Variants in H2AC8 observed in about 807,000 individuals in gnomAD.
H2AC8 encodes histone H2A type 1-B/E.
H2AC8 carries 9 observed loss-of-function variants against 6.3 expected under a neutral mutation model. The ratio of observed to expected loss-of-function variants is 1.43; its 90% confidence interval spans 0.86 to 2.49. H2AC8 has a LOEUF of 2.49. Ranked by LOEUF, H2AC8 falls within the 30% of genes most tolerant of loss-of-function variation. H2AC8 has a pLI of 0.00. For synonymous variants in H2AC8, 176 were observed against 79.6 expected, an observed-to-expected ratio of 2.21 and a Z score of -6.45; for missense variants, 141 against 177.5, an observed-to-expected ratio of 0.79 and a Z score of 1.17.
exon 1 of H2AC8, chr6:26,217,012 C>A: frequency 6.2e-7 from 1 of 1,614,190 alleles, no homozygotes; most frequent in Non-Finnish European, 8.5e-7. Flanking sequence ...AAAGCTCGGG[C>A]AAAAGCTAAA....
exon 1 of H2AC8, chr6:26,217,304 C>T (rs16891432): frequency 6.2e-6 from 10 of 1,614,086 alleles, no homozygotes; most frequent in Non-Finnish European, 8.5e-6. Context: ...GTGTCCTGCC[C>T]AACATCCAGG....
exon 1 of H2AC8, chr6:26,217,139 G>T (rs765077180): frequency 6.2e-7 from 1 of 1,614,202 alleles, no homozygotes; most frequent in Admixed American, 1.7e-5. Context: ...TGGCAGCGGT[G>T]CTGGAATATC....
chr6:26,217,028 T>G, exon 1 of H2AC8: 2 of 1,614,202 alleles, frequency 1.2e-6, no homozygotes, highest in Non-Finnish European at 1.7e-6. Flanking sequence ...CTAAAACGCG[T>G]TCTTCCAGGG....
exon 1 of H2AC8, chr6:26,217,354 C>T (rs753001531): frequency 5.0e-6 from 8 of 1,613,216 alleles, no homozygotes; most frequent in Non-Finnish European, 5.1e-6. Context: ...CACCATAAGG[C>T]CAAGGGCAAG....
chr6:26,216,960 T>C (rs763508997), upstream of H2AC8: 6 of 1,613,854 alleles, frequency 3.7e-6, no homozygotes, highest in Non-Finnish European at 5.1e-6. Context: ...GTTCTTCTGC[T>C]GTTAGGAAGC....
upstream of H2AC8, chr6:26,216,945 TGTTA>T (rs781725178): frequency 1.4e-5 from 23 of 1,612,220 alleles, no homozygotes; most frequent in African/African-American, 4.0e-5. Flanking sequence ...TTCAGTGGAT[TGTTA>T]GTTCTTCTGC....
chr6:26,217,158 G>T lies in H2AC8; in HGVS notation c.184G>T (p.Glu62Ter). 6.2e-7 allele frequency: 1 copy of T among 1,614,196 alleles called. No homozygotes were observed. The highest frequency in any genetic ancestry group is 8.5e-7 in the Non-Finnish European group (1 of 1,180,046). The change falls in exon 1 of 1, where the codon GAG (glutamate) becomes TAG (stop). Residue 62 changes from glutamate to a stop codon, truncating the protein, a stop_gained. Coordinates refer to ENST00000303910, the Ensembl canonical transcript of H2AC8. LOFTEE classifies it high-confidence loss of function. ...AGCGGTGCTGGAATATCTGACGGCC[G>T]AGATCTTAGAGCTAGCTGGCAACGC...
exon 1 of H2AC8, chr6:26,217,402 G>T (rs542055145): frequency 6.3e-7 from 1 of 1,594,978 alleles, no homozygotes; most frequent in Non-Finnish European, 8.5e-7. Flanking sequence ...GTGATCCCGA[G>T]TCCCAGAAAC....
Position 26,217,203 on chromosome 6 carries a change from AC to A in H2AC8, c.232del (p.Arg78AlafsTer9). 1.9e-6 allele frequency: 3 copies of A among 1,614,122 alleles called. No homozygotes were observed. Among genetic ancestry groups the A allele is most frequent in the Non-Finnish European group, 2.5e-6 (3 of 1,180,030 alleles). On this transcript the variant is annotated frameshift_variant, in exon 1 of 1. Transcript: ENST00000303910. LOFTEE classifies it high-confidence loss of function. ...CAACGCGGCTCGCGACAATAAGAAG[AC>A]CCGCATCATCCCGCGCCACCTGCAG...
chr6:26,216,940 T>C (rs1765422737), upstream of H2AC8: 1 of 1,610,798 alleles, frequency 6.2e-7, no homozygotes. Context: ...CTTTATTCAG[T>C]GGATTGTTAG....
upstream of H2AC8, chr6:26,216,964 A>T (rs1405551379): frequency 6.2e-7 from 1 of 1,613,838 alleles, no homozygotes; most frequent in African/African-American, 1.3e-5. Flanking sequence ...TTCTGCTGTT[A>T]GGAAGCCACT....
upstream of H2AC8, chr6:26,216,958 G>T (rs1561989845): frequency 1.2e-6 from 2 of 1,613,714 alleles, no homozygotes; most frequent in Non-Finnish European, 1.7e-6. Flanking sequence ...TAGTTCTTCT[G>T]CTGTTAGGAA....
At chr6:26,217,134 G>A in exon 1 of H2AC8, 2 of 1,614,206 alleles carry the variant, frequency 1.2e-6, no homozygotes, top group South Asian at 1.1e-5. Flanking sequence ...GTACCTGGCA[G>A]CGGTGCTGGA....
chr6:26,216,992 G>C (rs777204010), exon 1 of H2AC8: 2 of 1,614,200 alleles, frequency 1.2e-6, no homozygotes, highest in Non-Finnish European at 1.7e-6. Flanking sequence ...GACGTGGAAA[G>C]CAAGGCGGCA....
exon 1 of H2AC8, chr6:26,217,434 C>T: frequency 1.3e-6 from 2 of 1,518,512 alleles, no homozygotes; most frequent in Admixed American, 2.1e-5. Context: ...TTCAGAGCCA[C>T]CCACCTTTTC....
chr6:26,217,037 G>A (rs1486970734), exon 1 of H2AC8: 10 of 1,614,012 alleles, frequency 6.2e-6, no homozygotes, highest in East Asian at 2.2e-5. Flanking sequence ...GTTCTTCCAG[G>A]GCCGGTCTTC....
At chr6:26,217,341 A>G in exon 1 of H2AC8, 2 of 1,614,150 alleles carry the variant, frequency 1.2e-6, no homozygotes, top group African/African-American at 2.7e-5. Flanking sequence ...GAAGACGGAG[A>G]GCCACCATAA....
At chr6:26,216,946 G>A (rs769603634), upstream of H2AC8, 10 of 1,612,518 alleles carry the variant, frequency 6.2e-6, no homozygotes, top group African/African-American at 1.3e-5. Context: ...TCAGTGGATT[G>A]TTAGTTCTTC....
chr6:26,217,153 C>G, exon 1 of H2AC8: 1 of 1,614,204 alleles, frequency 6.2e-7, no homozygotes, highest in Non-Finnish European at 8.5e-7. Context: ...GAATATCTGA[C>G]GGCCGAGATC....
Sources: gnomAD v4.1 joint callset for allele counts on GRCh38, gnomAD v4.1.1 for gene constraint, MANE v1.5 for transcripts, NCBI Gene and HGNC (gene_info 2026-07-23, HGNC 2026-07-21) for gene names.